The following OPRM1 variants were observed in gnomAD, a reference collection of about 807,000 sequenced individuals.
The protein encoded by OPRM1 is opioid receptor mu 1, also known as mu-type opioid receptor.
OPRM1 carries 27 observed loss-of-function variants against 31.8 expected under a neutral mutation model. The ratio of observed to expected loss-of-function variants is 0.85; its 90% CI spans 0.63 to 1.17. The LOEUF is 1.17. Among genes scored for constraint, OPRM1 ranks in the 50% most tolerant of loss-of-function variants. OPRM1 has a pLI of 0.00. For synonymous variants in OPRM1, 196 were observed against 189.9 expected, an observed-to-expected ratio of 1.03 and a Z score of -0.26; for missense variants, 536 against 511.1, an observed-to-expected ratio of 1.05 and a Z score of -0.47.
chr6:154,011,847 T>G (rs115561139), intron 1 of OPRM1, among the ~76,000 whole-genome samples: 1 of 152,222 alleles, frequency 6.6e-6, no homozygotes, highest in African/African-American at 2.4e-5. Flanking sequence ...TGCAGGGAAC[T>G]TGGATTTAAC....
chr6:154,194,290 T>C (rs1344319047), intron 3 of OPRM1, among the ~76,000 whole-genome samples: 1 of 152,134 alleles, frequency 6.6e-6, no homozygotes, highest in African/African-American at 2.4e-5. Flanking sequence ...TCCCAGCTAC[T>C]TGGGAGGCTG....
At chr6:154,083,943 CAAAAAAAAAAAAA>C (rs57976654) in intron 1 of OPRM1, among the ~76,000 whole-genome samples, 1 of 35,152 alleles carries the variant, frequency 2.8e-5, no homozygotes, top group Non-Finnish European at 5.4e-5. Flanking sequence ...GACTCCGTCT[CAAAAAAAAAAAAA>C]AAAAAAAAAA....
At chr6:154,017,403 G>A (rs1778066775) in intron 1 of OPRM1, among the ~76,000 whole-genome samples, 4 of 152,256 alleles carry the variant, frequency 2.6e-5, no homozygotes, top group South Asian at 2.1e-4. Context: ...GATGGACAGC[G>A]TCTCTTGTAG....
intron 3 of OPRM1, among the ~76,000 whole-genome samples, chr6:154,143,816 C>CCACA (rs769646327): frequency 6.6e-5 from 10 of 150,442 alleles, no homozygotes; most frequent in East Asian, 3.9e-4. Context: ...CTACAAAATA[C>CCACA]CACACACACA....
chr6:154,227,766 G>A (rs1779374642), intron 3 of OPRM1, among the ~76,000 whole-genome samples: 1 of 152,168 alleles, frequency 6.6e-6, no homozygotes, highest in South Asian at 2.1e-4. Flanking sequence ...AAAAATAAAT[G>A]GTAAATCTTC....
intron 3 of OPRM1, among the ~76,000 whole-genome samples, chr6:154,210,055 A>G (rs1313841687): frequency 1.3e-5 from 2 of 152,260 alleles, no homozygotes; most frequent in African/African-American, 4.8e-5. Context: ...CTGAACTTCT[A>G]TTGTGCATCA....
Position 154,127,724 on chromosome 6 carries a change from T to C in OPRM1, c.*9003T>C, listed in dbSNP as rs1797674342. ...TATCCTGACTAGCACAAGAAATCCATAGGTTGATTCTTGTTCTCCTGCATC... is the reference window on the plus strand; with the variant it reads ...TATCCTGACTAGCACAAGAAATCCACAGGTTGATTCTTGTTCTCCTGCATC... On this transcript the variant is annotated 3_prime_UTR_variant, in exon 4 of 4. Transcript: ENST00000330432. Among the ~76,000 whole-genome samples the C allele has an allele frequency of 6.6e-6, 1 of 152,216 alleles. No individual in the cohort carries two copies. Among genetic ancestry groups the C allele is most frequent in the Admixed American group, 6.5e-5 (1 of 15,284 alleles).
At chr6:154,042,275 C>G (rs1780223040) in intron 1 of OPRM1, among the ~76,000 whole-genome samples, 2 of 152,140 alleles carry the variant, frequency 1.3e-5, no homozygotes, top group South Asian at 4.1e-4. Flanking sequence ...GTCTATTTAG[C>G]TGAGAACATT....
intron 3 of OPRM1, among the ~76,000 whole-genome samples, chr6:154,245,829 A>G (rs2128641835): frequency 6.6e-6 from 1 of 152,300 alleles, no homozygotes; most frequent in African/African-American, 2.4e-5. Flanking sequence ...ATTCAACAAC[A>G]TCGTCATTTT....
intron 3 of OPRM1, among the ~76,000 whole-genome samples, chr6:154,235,547 A>AAAT (rs1554297360): frequency 2.9e-4 from 44 of 149,818 alleles, no homozygotes; most frequent in East Asian, 1.8e-3. Context: ...AAAAAAAAAA[A>AAAT]AAAAGTAATG....
Position 154,168,262 on chromosome 6 carries a change from G to A in OPRM1, c.1164+76790G>A. 1 of 582,870 alleles carries A rather than the reference G, an allele frequency of 1.7e-6. No individual in the cohort carries two copies. The highest frequency in any genetic ancestry group is 2.9e-6 in the Non-Finnish European group (1 of 349,178). 36.1% of individuals were successfully genotyped at this position (582,870 alleles called of 1,614,324 possible). A position where few individuals can be genotyped will look rare whatever the true frequency, so the allele number is the denominator to read the frequency against. On this transcript the variant is annotated intron_variant, in intron 3 of 3. Transcript: ENST00000337049. The surrounding 1 kb of genome is among the most constrained non-coding windows in gnomAD (Gnocchi z 4.1). The stretch of plus-strand genomic sequence containing the variant: ...AACTGAAAGACAATAAATGTTTGCT[G>A]TCTAAGCCACCCAGTTTGCGATACT...
chr6:154,025,541 G>A (rs1289300696), intron 1 of OPRM1, among the ~76,000 whole-genome samples: 3 of 151,990 alleles, frequency 2.0e-5, no homozygotes, highest in African/African-American at 7.2e-5. Context: ...TTATTGATAA[G>A]TAAGCAATTA....
chr6:154,107,346 A>C (rs1297439212), intron 3 of OPRM1: 2 of 627,690 alleles, frequency 3.2e-6, no homozygotes, highest in Non-Finnish European at 5.7e-6. Flanking sequence ...TGGCTTTTGA[A>C]CTTCACCAAA....
chr6:154,132,147 T>C lies in OPRM1; in HGVS notation c.*13426T>C, dbSNP rs900520162. On this transcript the variant is annotated 3_prime_UTR_variant, in exon 4 of 4. Coordinates refer to ENST00000330432, the MANE Select transcript of OPRM1 (RefSeq NM_000914.5). ...GTGCAGATCAAAATGTCAACTAGTA[T>C]ATCAAACAGTGAGCAATTCACTAAA... 6.6e-6 allele frequency among the ~76,000 whole-genome samples: 1 copy of C among 152,214 alleles called. No individual in the cohort carries two copies. The highest frequency in any genetic ancestry group is 2.4e-5 in the African/African-American group (1 of 41,462).
chr6:154,110,447 T>C, intron 3 of OPRM1: 1 of 1,390,852 alleles, frequency 7.2e-7, no homozygotes, highest in Non-Finnish European at 1.0e-6. Context: ...AATATAAGAT[T>C]GGAAGCCAGA....
At chr6:154,139,167 A>G (rs1244146696) in intron 3 of OPRM1, among the ~76,000 whole-genome samples, 1 of 152,198 alleles carries the variant, frequency 6.6e-6, no homozygotes, top group African/African-American at 2.4e-5. Context: ...CTCTTTCCCT[A>G]TTGCGATTCC....
chr6:154,229,389 G>A (rs1460503934), intron 3 of OPRM1, among the ~76,000 whole-genome samples: 1 of 127,820 alleles, frequency 7.8e-6, no homozygotes, highest in Admixed American at 9.7e-5. Flanking sequence ...TCTCTCTGTC[G>A]CCCAGGCTGG....
rs1212086023 is a variant in OPRM1 at position 154,099,468 on chromosome 6, GAAAA to G, written c.1164+7998_1164+8001del. ...AGAAAGAAAGAGAGAAAGAAAGAAA[GAAAA>G]AGAAAGAAAGAAAGAAGGAAAGAAA... is the stretch of plus-strand genomic sequence containing the variant. On this transcript the variant is annotated intron_variant, in intron 3 of 3. Coordinates refer to ENST00000330432, the MANE Select transcript of OPRM1 (RefSeq NM_000914.5). Among the ~76,000 whole-genome samples, 5 of 106,592 alleles carry G rather than the reference GAAAA, an allele frequency of 4.7e-5. No homozygotes were observed. In the East Asian group the frequency reaches 1.2e-3, roughly 26 times the overall value. The allele number at this position is 106,592 out of a possible 152,430, so 69.9% of individuals were successfully genotyped here. A position where few individuals can be genotyped will look rare whatever the true frequency, so the allele number is the denominator to read the frequency against.
Position 154,120,688 on chromosome 6 carries a change from A to T in OPRM1, c.*1967A>T, listed in dbSNP as rs1031135403. 6.6e-6 allele frequency among the ~76,000 whole-genome samples: 1 copy of T among 152,304 alleles called. No individual in the cohort carries two copies. The highest frequency in any genetic ancestry group is 2.1e-4 in the South Asian group (1 of 4,832). On this transcript the variant is annotated 3_prime_UTR_variant, in exon 4 of 4. Transcript: ENST00000330432. ...CTGAGGAGGAAAATCCATGCTTTTC[A>T]TGGGCTAGGATGGTTTCTCCCAAGA...
Sources: allele counts gnomAD v4.1 joint callset (sites outside exome capture counted in the v4.1 genomes callset), GRCh38; gene constraint gnomAD v4.1.1; non-coding constraint Gnocchi (gnomAD v3.1); transcripts MANE v1.5; gene names NCBI Gene and HGNC (gene_info 2026-07-23, HGNC 2026-07-21).